IL1RAPL1: variants seen among roughly 807,000 people sequenced by gnomAD.
IL1RAPL1 encodes the protein interleukin-1 receptor accessory protein-like 1.
A neutral mutation model predicts 48.4 loss-of-function variants in IL1RAPL1; 3 were observed. The ratio of observed to expected loss-of-function variants is 0.06; its 90% CI spans 0.03 to 0.16. The LOEUF (loss-of-function observed/expected upper bound fraction) is 0.16. Among genes scored for constraint, IL1RAPL1 ranks in the 10% least tolerant of loss-of-function variants. The probability of loss-of-function intolerance (pLI) is 1.00; values close to 1 mark genes in which losing one functional copy is unlikely to be tolerated. For synonymous variants in IL1RAPL1, 185 were observed against 187.7 expected (o/e 0.99, Z 0.12); for missense variants, 349 against 530.6 (o/e 0.66, Z 3.36).
chrX:29,797,810 T>A (rs187885734), intron 6 of IL1RAPL1, among the ~76,000 whole-genome samples: 1,165 of 109,927 alleles, frequency 0.011, 13 homozygotes, highest in African/African-American at 0.037. Context: ...GAAGCGGAGG[T>A]TGTGGGGAGC....
chrX:29,260,814 A>G (rs1281865718), intron 2 of IL1RAPL1, among the ~76,000 whole-genome samples: 4 of 109,828 alleles, frequency 3.6e-5, no homozygotes, highest in East Asian at 5.6e-4. Flanking sequence ...TGATTGATCA[A>G]TTGGCTTCCG....
At position 29,534,844 on chromosome X, in the gene IL1RAPL1, C is replaced by T. The variant is rs1347696298; in HGVS notation, c.704-133586C>T. 2.7e-5 allele frequency among the ~76,000 whole-genome samples: 3 copies of T among 109,765 alleles called. No individual in the cohort carries two copies. In the East Asian group the frequency reaches 8.6e-4, roughly 32 times the overall value. ...ATTAGCCGGGCGTGGTGGCGGGCGC[C>T]TGTAGTCCCAGCTGCTCGGGAGGCT... On this transcript the variant is annotated intron_variant, in intron 5 of 10. Coordinates refer to ENST00000378993, the MANE Select transcript of IL1RAPL1 (RefSeq NM_014271.4).
intron 8 of IL1RAPL1, among the ~76,000 whole-genome samples, chrX:29,927,804 T>C (rs1256115791): frequency 9.3e-6 from 1 of 107,137 alleles, no homozygotes; most frequent in African/African-American, 3.4e-5. Flanking sequence ...CAGCTAACTC[T>C]CAATTAAGTG....
At chrX:28,760,955 G>A (rs1013610111) in intron 1 of IL1RAPL1, among the ~76,000 whole-genome samples, 35 of 109,150 alleles carry the variant, frequency 3.2e-4, no homozygotes, top group African/African-American at 1.1e-3. Flanking sequence ...GCATGGTGGC[G>A]TGCGGTTATA....
intron 2 of IL1RAPL1, among the ~76,000 whole-genome samples, chrX:28,943,372 T>C (rs1001340965): frequency 9.1e-6 from 1 of 109,963 alleles, no homozygotes; most frequent in African/African-American, 3.3e-5. Context: ...CAAGCATTAT[T>C]GTGAGCTGTT....
At chrX:29,192,432 A>T (rs1930369555) in intron 2 of IL1RAPL1, among the ~76,000 whole-genome samples, 1 of 111,903 alleles carries the variant, frequency 8.9e-6, no homozygotes, top group Non-Finnish European at 1.9e-5. Flanking sequence ...TGGAGTGATT[A>T]TTTAACAGGG....
intron 2 of IL1RAPL1, among the ~76,000 whole-genome samples, chrX:28,872,001 T>C (rs1164730920): frequency 9.0e-6 from 1 of 111,662 alleles, no homozygotes; most frequent in Non-Finnish European, 1.9e-5. Context: ...AACATAATTC[T>C]GCCTTATCAT....
chrX:29,728,755 A>G (rs1044256227), intron 6 of IL1RAPL1, among the ~76,000 whole-genome samples: 2 of 112,550 alleles, frequency 1.8e-5, no homozygotes, highest in Admixed American at 9.4e-5. Flanking sequence ...ACAACATGTT[A>G]TTGTTAACAC....
chrX:29,557,978 A>C (rs1316675696), intron 5 of IL1RAPL1, among the ~76,000 whole-genome samples: 1 of 111,506 alleles, frequency 9.0e-6, no homozygotes, highest in Non-Finnish European at 1.9e-5. Flanking sequence ...TGCTGTTGTG[A>C]ATAATACTGT....
At chrX:29,262,510 A>C (rs781753995) in intron 2 of IL1RAPL1, among the ~76,000 whole-genome samples, 1 of 110,595 alleles carries the variant, frequency 9.0e-6, no homozygotes, top group Non-Finnish European at 1.9e-5. Flanking sequence ...CTAAAAATAC[A>C]AAATTAGCCA....
chrX:28,671,193 G>A (rs956829459), intron 1 of IL1RAPL1, among the ~76,000 whole-genome samples: 2 of 111,889 alleles, frequency 1.8e-5, no homozygotes, highest in Non-Finnish European at 1.9e-5. Context: ...TTTTCTAACT[G>A]CTAAATGGAA....
At chrX:28,885,264 T>C (rs760609856) in intron 2 of IL1RAPL1, among the ~76,000 whole-genome samples, 192 of 111,497 alleles carry the variant, frequency 1.7e-3, no homozygotes, top group Non-Finnish European at 2.8e-3. Flanking sequence ...TCAAAGACGA[T>C]GAAAGGCGGA....
At chrX:29,077,299 A>T (rs956297855) in intron 2 of IL1RAPL1, among the ~76,000 whole-genome samples, 2 of 111,600 alleles carry the variant, frequency 1.8e-5, no homozygotes, top group African/African-American at 6.5e-5. Flanking sequence ...TCCTGTGAGA[A>T]ATAATAAGAA....
At chrX:29,897,744 A>AGAT (rs200825499) in intron 6 of IL1RAPL1, among the ~76,000 whole-genome samples, 3,388 of 111,734 alleles carry the variant, frequency 0.03, 136 homozygotes, top group African/African-American at 0.1. Context: ...GTACTCCCAA[A>AGAT]GATGATCGCT....
chrX:29,040,847 G>T (rs373095874), intron 2 of IL1RAPL1, among the ~76,000 whole-genome samples: 1 of 111,849 alleles, frequency 8.9e-6, no homozygotes, highest in Non-Finnish European at 1.9e-5. Context: ...AAATGCCAGT[G>T]ACTTCTTTGT....
chrX:29,752,076 GTATGTATA>G (rs1215586577), intron 6 of IL1RAPL1, among the ~76,000 whole-genome samples: 2 of 89,484 alleles, frequency 2.2e-5, no homozygotes, highest in Non-Finnish European at 4.2e-5. Flanking sequence ...ATATATGTGT[GTATGTATA>G]TATATATATA....
At chrX:29,501,066 CAT>C (rs1344653874) in intron 5 of IL1RAPL1, among the ~76,000 whole-genome samples, 1 of 111,678 alleles carries the variant, frequency 9.0e-6, no homozygotes, top group Non-Finnish European at 1.9e-5. Flanking sequence ...GAAAATTTTT[CAT>C]ATATCTGTTG....
chrX:28,711,125 A>G (rs1935435338), intron 1 of IL1RAPL1, among the ~76,000 whole-genome samples: 1 of 112,170 alleles, frequency 8.9e-6, no homozygotes, highest in African/African-American at 3.2e-5. Flanking sequence ...TGTTGCGCCA[A>G]TCCAGGCAAA....
chrX:28,709,875 G>A (rs1935419687), intron 1 of IL1RAPL1, among the ~76,000 whole-genome samples: 1 of 111,210 alleles, frequency 9.0e-6, no homozygotes, highest in Non-Finnish European at 1.9e-5. Flanking sequence ...AACTAGGAAT[G>A]CATTCCACAG....
Sources: gnomAD v4.1 joint callset for allele counts (sites outside exome capture counted in the v4.1 genomes callset) on GRCh38, gnomAD v4.1.1 for gene constraint, MANE v1.5 for transcripts, NCBI Gene and HGNC (gene_info 2026-07-23, HGNC 2026-07-21) for gene names.